SEC14L1: variants seen among roughly 807,000 people sequenced by gnomAD.
SEC14L1 encodes SEC14-like protein 1.
Under a neutral mutation model 85.3 loss-of-function variants are expected in SEC14L1, and 48 were observed. The observed-to-expected ratio is 0.56, with a 90% confidence interval of 0.45 to 0.72. SEC14L1 has a LOEUF of 0.72. Among genes scored for constraint, SEC14L1 ranks in the 30% least tolerant of loss-of-function variants. SEC14L1 has a pLI of 0.00. For missense variants in SEC14L1, 682 were observed against 921.4 expected, an observed-to-expected ratio of 0.74 and a Z score of 3.36; for synonymous variants, 391 against 355.5, an observed-to-expected ratio of 1.10 and a Z score of -1.12.
chr17:77,112,754 G>A (rs1972076484), intron 3 of SEC14L1, among the ~76,000 whole-genome samples: 1 of 151,850 alleles, frequency 6.6e-6, no homozygotes, highest in Non-Finnish European at 1.5e-5. Flanking sequence ...GGCACCTGTA[G>A]TCCCAGCTAC....
chr17:77,182,899 A>G (rs1975099360), intron 3 of SEC14L1, among the ~76,000 whole-genome samples: 1 of 152,276 alleles, frequency 6.6e-6, no homozygotes, highest in Admixed American at 6.5e-5. Context: ...CTTGAAAAGC[A>G]TAAGCTCCCC....
intron 13 of SEC14L1, among the ~76,000 whole-genome samples, chr17:77,208,850 A>G (rs1381476446): frequency 6.6e-6 from 1 of 152,240 alleles, no homozygotes; most frequent in Non-Finnish European, 1.5e-5. Context: ...AGGCAAATTC[A>G]AAAGAAGTTC....
intron 13 of SEC14L1, among the ~76,000 whole-genome samples, chr17:77,208,056 A>G (rs1353894794): frequency 2.0e-5 from 3 of 152,194 alleles, no homozygotes; most frequent in Non-Finnish European, 4.4e-5. Flanking sequence ...GTCATCCTTC[A>G]TATGAAAAGT....
chr17:77,099,846 G>A (rs1211714662), intron 3 of SEC14L1, among the ~76,000 whole-genome samples: 1 of 152,104 alleles, frequency 6.6e-6, no homozygotes, highest in African/African-American at 2.4e-5. Context: ...GAAAGTTAAC[G>A]GGGAAGATCA....
At chr17:77,151,720 G>A (rs1402827472) in intron 3 of SEC14L1, among the ~76,000 whole-genome samples, 3 of 152,070 alleles carry the variant, frequency 2.0e-5, no homozygotes, top group Admixed American at 6.6e-5. Context: ...GCATCTTGCC[G>A]GGCCTGACAC....
intron 8 of SEC14L1, chr17:77,199,165 C>T (rs1328729097): frequency 3.9e-5 from 6 of 152,428 alleles, no homozygotes; most frequent in Non-Finnish European, 7.3e-5. Context: ...CCACCACGCC[C>T]GACTAATTTT....
intron 3 of SEC14L1, among the ~76,000 whole-genome samples, chr17:77,151,654 TAGAG>T (rs546087810): frequency 1.7e-3 from 262 of 152,160 alleles, no homozygotes; most frequent in Non-Finnish European, 2.5e-3. Flanking sequence ...CATACACAGG[TAGAG>T]AGAATCATAT....
At chr17:77,169,622 G>A (rs554883340) in intron 3 of SEC14L1, among the ~76,000 whole-genome samples, 1 of 152,182 alleles carries the variant, frequency 6.6e-6, no homozygotes, top group Non-Finnish European at 1.5e-5. Flanking sequence ...CCTTTACAGT[G>A]CCTACTATAG....
intron 3 of SEC14L1, among the ~76,000 whole-genome samples, chr17:77,133,816 G>A (rs945945938): frequency 2.6e-5 from 4 of 151,442 alleles, no homozygotes; most frequent in African/African-American, 4.9e-5. Flanking sequence ...GCAAGCACCT[G>A]TAGTCCCAGC....
intron 3 of SEC14L1, among the ~76,000 whole-genome samples, chr17:77,175,105 G>A (rs1974691778): frequency 6.6e-6 from 1 of 152,198 alleles, no homozygotes; most frequent in South Asian, 2.1e-4. Context: ...CAGGAGGGTT[G>A]TTTGCAGGCC....
intron 3 of SEC14L1, among the ~76,000 whole-genome samples, chr17:77,153,802 A>G (rs959053331): frequency 1.3e-5 from 2 of 152,174 alleles, no homozygotes; most frequent in Non-Finnish European, 2.9e-5. Flanking sequence ...AAGCTTCCCC[A>G]GAGAAGTTCA....
At chr17:77,205,245 A>G in intron 10 of SEC14L1, 31 bp from the exon 11 acceptor site, 11 of 1,595,328 alleles carry the variant, frequency 6.9e-6, no homozygotes, top group Non-Finnish European at 9.5e-6. Context: ...TAAACTAATC[A>G]TGGTAAATTT....
chr17:77,093,798 A>G (rs775251335), intron 3 of SEC14L1: 10 of 152,286 alleles, frequency 6.6e-5, no homozygotes, highest in African/African-American at 9.6e-5. Context: ...ACAGAGTCTC[A>G]CTATGTTGCC....
At chr17:77,105,385 A>AC (rs1344619012) in intron 3 of SEC14L1, among the ~76,000 whole-genome samples, 2 of 22,356 alleles carry the variant, frequency 8.9e-5, no homozygotes, top group East Asian at 3.6e-3. Context: ...CCCCCCCCCC[A>AC]CCCCACGTAA....
At chr17:77,125,531 C>T (rs1217865574) in intron 3 of SEC14L1, among the ~76,000 whole-genome samples, 1 of 151,406 alleles carries the variant, frequency 6.6e-6, no homozygotes, top group African/African-American at 2.4e-5. Flanking sequence ...ATAAATGGAA[C>T]ATTAAGAATC....
chr17:77,161,155 GA>G (rs1974035948), intron 3 of SEC14L1, among the ~76,000 whole-genome samples: 1 of 152,130 alleles, frequency 6.6e-6, no homozygotes, highest in Non-Finnish European at 1.5e-5. Flanking sequence ...TTTTGTTTTA[GA>G]AACTAGTTTG....
chr17:77,155,747 T>A (rs1303280771), intron 3 of SEC14L1, among the ~76,000 whole-genome samples: 3 of 152,210 alleles, frequency 2.0e-5, no homozygotes, highest in Non-Finnish European at 2.9e-5. Context: ...ATTTATTTAA[T>A]TTTTTTGAGA....
At chr17:77,174,052 C>A (rs1053599389) in intron 3 of SEC14L1, among the ~76,000 whole-genome samples, 1 of 152,042 alleles carries the variant, frequency 6.6e-6, no homozygotes, top group African/African-American at 2.4e-5. Flanking sequence ...AGGCACACAC[C>A]ACCACACCTG....
At chr17:77,100,258 C>T (rs753575169) in intron 3 of SEC14L1, among the ~76,000 whole-genome samples, 3 of 152,220 alleles carry the variant, frequency 2.0e-5, no homozygotes, top group Admixed American at 6.5e-5. Context: ...CTGCACCCTC[C>T]GAGCACTGTG....
Sources: gnomAD v4.1 joint callset for allele counts (sites outside exome capture counted in the v4.1 genomes callset) on GRCh38, gnomAD v4.1.1 for gene constraint, MANE v1.5 for transcripts, NCBI Gene and HGNC (gene_info 2026-07-23, HGNC 2026-07-21) for gene names.